NEK11: variants seen among roughly 807,000 people sequenced by gnomAD.
NEK11 encodes the protein serine/threonine-protein kinase Nek11.
Under a neutral mutation model 80.7 loss-of-function variants are expected in NEK11, and 72 were observed. The ratio of observed to expected loss-of-function variants is 0.89; its 90% CI spans 0.74 to 1.08. The LOEUF (loss-of-function observed/expected upper bound fraction) is 1.08, where lower values mean the gene tolerates loss of function less well. NEK11 is among the 50% of genes least tolerant of loss of function. The pLI is 0.00. For synonymous variants in NEK11, 251 were observed against 260.7 expected (o/e 0.96, Z 0.36); for missense variants, 764 against 763.6 (o/e 1.00, Z -0.01).
At position 131,029,647 on chromosome 3, in the gene NEK11, T is replaced by A; in HGVS notation, c.-62T>A. On this transcript the variant is annotated 5_prime_UTR_variant, in exon 3 of 18. Coordinates refer to ENST00000383366, the MANE Select transcript of NEK11 (RefSeq NM_024800.5). ...AACACTGGATGAATTTGACCATTTCTTAGGAGACTGGAATGTTAAGTTTCT... is the reference window on the plus strand; with the variant it reads ...AACACTGGATGAATTTGACCATTTCATAGGAGACTGGAATGTTAAGTTTCT... 2 of 1,510,012 alleles carry A rather than the reference T, an allele frequency of 1.3e-6. No homozygotes were observed. Among genetic ancestry groups the A allele is most frequent in the Non-Finnish European group, 1.8e-6 (2 of 1,096,234 alleles). 93.5% of individuals were successfully genotyped at this position (1,510,012 alleles called of 1,614,324 possible).
chr3:131,080,589 G>T lies in NEK11; in HGVS notation c.336+1G>T, dbSNP rs775619164. ...CTGCATTATCACGGAGTACTGTGAGGTGAGACTCTCCTTTTCTCTTGGAAG... is the reference window on the plus strand; with the variant it reads ...CTGCATTATCACGGAGTACTGTGAGTTGAGACTCTCCTTTTCTCTTGGAAG... On this transcript the variant is annotated splice_donor_variant, in intron 4 of 17. Coordinates refer to ENST00000383366, the MANE Select transcript of NEK11 (RefSeq NM_024800.5). LOFTEE classifies it high-confidence loss of function. 6.2e-7 allele frequency: 1 copy of T among 1,604,572 alleles called. No homozygotes were observed. The highest frequency in any genetic ancestry group is 8.5e-7 in the Non-Finnish European group (1 of 1,177,390).
chr3:131,216,252 G>A (rs2094829517), intron 14 of NEK11, among the ~76,000 whole-genome samples: 2 of 152,220 alleles, frequency 1.3e-5, no homozygotes, highest in Admixed American at 6.5e-5. Flanking sequence ...GACCAGGACA[G>A]CCCAATCAGA....
intron 14 of NEK11, among the ~76,000 whole-genome samples, chr3:131,217,669 C>G (rs550619746): frequency 6.6e-6 from 1 of 152,194 alleles, no homozygotes; most frequent in African/African-American, 2.4e-5. Flanking sequence ...GCCCCTCCCA[C>G]TCTCTTTCCC....
At chr3:131,172,103 G>A (rs183212417) in intron 14 of NEK11, among the ~76,000 whole-genome samples, 1 of 152,318 alleles carries the variant, frequency 6.6e-6, no homozygotes, top group Admixed American at 6.5e-5. Context: ...AAGGCATCAG[G>A]AAGTCCTCTA....
chr3:131,235,616 C>A (rs1476867615), intron 15 of NEK11, among the ~76,000 whole-genome samples: 1 of 152,078 alleles, frequency 6.6e-6, no homozygotes, highest in Non-Finnish European at 1.5e-5. Context: ...TCTATGTCAT[C>A]CCTGGGAAAA....
At chr3:131,109,738 G>A (rs1246499005) in intron 4 of NEK11, 65 bp from the exon 5 acceptor site, 2 of 1,494,258 alleles carry the variant, frequency 1.3e-6, no homozygotes, top group African/African-American at 1.4e-5. Context: ...ATTAACTGTT[G>A]TTAAGTGAAC....
At chr3:131,043,661 G>T (rs1441341386) in intron 3 of NEK11, among the ~76,000 whole-genome samples, 1 of 152,206 alleles carries the variant, frequency 6.6e-6, no homozygotes, top group Non-Finnish European at 1.5e-5. Flanking sequence ...AAGGGACGGG[G>T]AGAATGGAAC....
At chr3:131,179,547 T>C (rs1466240652) in intron 14 of NEK11, among the ~76,000 whole-genome samples, 1 of 152,216 alleles carries the variant, frequency 6.6e-6, no homozygotes, top group African/African-American at 2.4e-5. Context: ...TTATATAATA[T>C]GGGAACATAA....
chr3:131,191,275 A>C (rs898479582), intron 14 of NEK11, among the ~76,000 whole-genome samples: 6 of 152,216 alleles, frequency 3.9e-5, no homozygotes, highest in African/African-American at 1.4e-4. Flanking sequence ...TAAAAGTCCA[A>C]GATTGGTCTC....
intron 14 of NEK11, among the ~76,000 whole-genome samples, chr3:131,219,202 A>G (rs2094938486): frequency 6.6e-6 from 1 of 152,250 alleles, no homozygotes; most frequent in African/African-American, 2.4e-5. Context: ...AACATGGAAT[A>G]CTATGCAGCC....
intron 3 of NEK11, among the ~76,000 whole-genome samples, chr3:131,066,636 C>T (rs2072016650): frequency 6.6e-6 from 1 of 151,852 alleles, no homozygotes; most frequent in South Asian, 2.1e-4. Context: ...AAGTTCAAGA[C>T]CAGCCTGGCC....
chr3:131,032,032 G>A (rs1260981480), intron 3 of NEK11, among the ~76,000 whole-genome samples: 3 of 151,604 alleles, frequency 2.0e-5, no homozygotes, highest in South Asian at 2.1e-4. Flanking sequence ...CACGATCTTG[G>A]CTCACTGCAA....
At position 131,281,155 on chromosome 3, in the gene NEK11, T is replaced by C. The variant is rs1043937228; in HGVS notation, c.1718+7581T>C. Among the ~76,000 whole-genome samples, 6 of 152,372 alleles carry C rather than the reference T, an allele frequency of 3.9e-5. No individual in the cohort carries two copies. The East Asian group carries it at 1.2e-3, about 29-fold the overall frequency. On this transcript the variant is annotated intron_variant, in intron 17 of 17. Transcript: ENST00000383366. ...GCTTCACATTTTTTTAAACAGCTTT[T>C]GTTTTAATACTTTTGTTAATTATGT...
chr3:131,342,143 G>A (rs149745409), intron 17 of NEK11, among the ~76,000 whole-genome samples: 1 of 152,320 alleles, frequency 6.6e-6, no homozygotes, highest in East Asian at 1.9e-4. Flanking sequence ...TGGGCACGCT[G>A]CAGGCTATGG....
intron 17 of NEK11, among the ~76,000 whole-genome samples, chr3:131,334,744 G>A (rs971478859): frequency 3.9e-5 from 6 of 152,148 alleles, no homozygotes; most frequent in East Asian, 1.9e-4. Flanking sequence ...AGAAAAAAAG[G>A]GAGAAGAATC....
intron 14 of NEK11, chr3:131,174,790 C>A: frequency 1.2e-6 from 2 of 1,610,906 alleles, no homozygotes; most frequent in Non-Finnish European, 1.7e-6. Flanking sequence ...ACTTTCAGAG[C>A]AGTGTTTTTT....
intron 14 of NEK11, among the ~76,000 whole-genome samples, chr3:131,183,129 G>A (rs992197404): frequency 6.6e-6 from 1 of 152,114 alleles, no homozygotes; most frequent in Non-Finnish European, 1.5e-5. Context: ...ACTTGAGAGG[G>A]CTGAAAGGTG....
At chr3:131,262,648 T>C (rs1398735955) in intron 16 of NEK11, among the ~76,000 whole-genome samples, 4 of 152,186 alleles carry the variant, frequency 2.6e-5, no homozygotes, top group Admixed American at 1.3e-4. Flanking sequence ...CTTACTAGTA[T>C]TTTAATAAAG....
intron 3 of NEK11, among the ~76,000 whole-genome samples, chr3:131,034,934 A>T (rs2065422503): frequency 6.6e-6 from 1 of 152,090 alleles, no homozygotes. Flanking sequence ...TATCTAACTT[A>T]TGTGTATTTT....
Sources: gnomAD v4.1 joint callset for allele counts (sites outside exome capture counted in the v4.1 genomes callset) on GRCh38, gnomAD v4.1.1 for gene constraint, MANE v1.5 for transcripts, NCBI Gene and HGNC (gene_info 2026-07-23, HGNC 2026-07-21) for gene names.